The following DOCK8 variants were observed in gnomAD, a reference collection of about 807,000 sequenced individuals.
The protein encoded by DOCK8 is dedicator of cytokinesis protein 8.
DOCK8 carries 141 observed loss-of-function variants against 245.6 expected under a neutral mutation model. The observed-to-expected ratio is 0.57, with a 90% CI of 0.50 to 0.66. The LOEUF is 0.66. Among genes scored for constraint, DOCK8 ranks in the 30% least tolerant of loss-of-function variants. The pLI, the probability that DOCK8 is intolerant of heterozygous loss-of-function variation, is 0.00. For missense variants in DOCK8, 2,965 were observed against 2,603.4 expected (o/e 1.14, Z -3.02); for synonymous variants, 1,168 against 970.2 (o/e 1.20, Z -3.79).
At position 453,652 on chromosome 9, in the gene DOCK8, C is replaced by T. The variant is rs570139193; in HGVS notation, c.6068+1535C>T. Reference sequence around the variant, plus strand: ...ATGTTGGCCAGGCTGATCTTGAACTCCTGACCTCAAATGATCCACCTGCCT... The same window carrying T: ...ATGTTGGCCAGGCTGATCTTGAACTTCTGACCTCAAATGATCCACCTGCCT... On this transcript the variant is annotated intron_variant, in intron 46 of 47. Coordinates refer to ENST00000432829, the MANE Select transcript of DOCK8 (RefSeq NM_203447.4). Among the ~76,000 whole-genome samples, 30 of 152,258 alleles carry T rather than the reference C, an allele frequency of 2.0e-4. No homozygotes were observed. The South Asian group carries it at 6.0e-3, about 31-fold the overall frequency.
At chr9:333,139 G>A (rs766825232) in intron 10 of DOCK8, among the ~76,000 whole-genome samples, 9 of 152,148 alleles carry the variant, frequency 5.9e-5, no homozygotes, top group Non-Finnish European at 1.0e-4. Flanking sequence ...AGCTCTCCTG[G>A]CCTTCCTCAA....
At chr9:264,661 A>G (rs573191069) in intron 1 of DOCK8, among the ~76,000 whole-genome samples, 10 of 152,348 alleles carry the variant, frequency 6.6e-5, no homozygotes, top group African/African-American at 2.4e-4. Context: ...ATCTATAGAT[A>G]TATGTGTAGA....
At chr9:335,509 A>C (rs1011584347) in intron 11 of DOCK8, among the ~76,000 whole-genome samples, 2 of 152,190 alleles carry the variant, frequency 1.3e-5, no homozygotes, top group Non-Finnish European at 2.9e-5. Context: ...GTACATAATC[A>C]CCAGTCAGAA....
chr9:463,466 C>T, intron 46 of DOCK8, 51 bp from the exon 47 acceptor site: 1 of 1,602,394 alleles, frequency 6.2e-7, no homozygotes, highest in Non-Finnish European at 8.5e-7. Flanking sequence ...TCTCAGATTT[C>T]TAAGCACTTC....
intron 20 of DOCK8, among the ~76,000 whole-genome samples, chr9:379,338 C>G (rs1413645327): frequency 1.3e-5 from 2 of 152,000 alleles, no homozygotes; most frequent in Non-Finnish European, 2.9e-5. Flanking sequence ...TCATAGTGTC[C>G]ACAACAGTCA....
At chr9:271,094 G>GA (rs1328065331) in intron 1 of DOCK8, among the ~76,000 whole-genome samples, 2 of 152,338 alleles carry the variant, frequency 1.3e-5, no homozygotes, top group African/African-American at 2.4e-5. Flanking sequence ...GAGCAGTTGG[G>GA]AAAAAATACA....
At chr9:332,559 G>C in intron 10 of DOCK8, 81 bp downstream of exon 10, 1 of 964,930 alleles carries the variant, frequency 1.0e-6, no homozygotes, top group Admixed American at 1.8e-5. Flanking sequence ...AATAGTTAAT[G>C]GGCTTTAGTC....
chr9:332,412 G>A lies in DOCK8; in HGVS notation c.1059G>A (p.Leu353=). 6.2e-7 allele frequency: 1 copy of A among 1,612,152 alleles called. No homozygotes were observed. Among genetic ancestry groups the A allele is most frequent in the Non-Finnish European group, 8.5e-7 (1 of 1,178,348 alleles). The change falls in exon 10 of 48, where the codon CTG becomes CTA. Residue 353 remains leucine (L), a synonymous_variant. Coordinates refer to ENST00000432829, the MANE Select transcript of DOCK8 (RefSeq NM_203447.4). ...TTTATTGGTAGATTGAAAAAGTCCT[G>A]CAGCAGGGAGAGATTGGAGACTGTG... The part of the protein sequence containing the change: ...IYLVVKIEKV[L]QQGEIGDCAE...
intron 8 of DOCK8, 87 bp downstream of exon 8, chr9:325,824 AG>A: frequency 8.1e-7 from 1 of 1,227,718 alleles, no homozygotes; most frequent in South Asian, 1.2e-5. Flanking sequence ...CTTTGCAGCA[AG>A]AACCTATCAG....
chr9:417,908 G>A (rs912873775), intron 29 of DOCK8, among the ~76,000 whole-genome samples, 160 bp from the exon 30 acceptor site: 2 of 152,226 alleles, frequency 1.3e-5, no homozygotes, highest in Non-Finnish European at 2.9e-5. Flanking sequence ...TTAGCCTGCT[G>A]TGTTTTCCTA....
intron 14 of DOCK8, among the ~76,000 whole-genome samples, chr9:359,242 C>T (rs570975917): frequency 6.6e-6 from 1 of 152,312 alleles, no homozygotes; most frequent in East Asian, 1.9e-4. Flanking sequence ...GACTACATTA[C>T]AATAAAGTTC....
At chr9:448,596 G>A (rs2057336471) in intron 44 of DOCK8, among the ~76,000 whole-genome samples, 1 of 152,194 alleles carries the variant, frequency 6.6e-6, no homozygotes, top group Admixed American at 6.5e-5. Context: ...TGAGGGCTGT[G>A]AGGAAAGGGT....
chr9:351,111 C>G (rs2131015412), intron 14 of DOCK8, among the ~76,000 whole-genome samples: 1 of 152,326 alleles, frequency 6.6e-6, no homozygotes, highest in East Asian at 1.9e-4. Flanking sequence ...TCCCTAATTT[C>G]TCTGGCTTCC....
intron 33 of DOCK8, among the ~76,000 whole-genome samples, chr9:424,377 A>C (rs778409905): frequency 1.3e-5 from 2 of 152,064 alleles, no homozygotes; most frequent in African/African-American, 2.4e-5. Flanking sequence ...CATTGTTTTA[A>C]AGGAATAGAT....
At chr9:258,369 G>T (rs2047830949) in intron 1 of DOCK8, among the ~76,000 whole-genome samples, 1 of 152,180 alleles carries the variant, frequency 6.6e-6, no homozygotes, top group African/African-American at 2.4e-5. Context: ...TGGCCAAGGA[G>T]CTGGCTATGC....
At chr9:327,052 C>G (rs1276747258) in intron 8 of DOCK8, among the ~76,000 whole-genome samples, 1 of 152,230 alleles carries the variant, frequency 6.6e-6, no homozygotes, top group Non-Finnish European at 1.5e-5. Context: ...TTCCCTACAA[C>G]CAGGCTTTCT....
At position 416,913 on chromosome 9, in the gene DOCK8, A is replaced by G. The variant is rs374443144; in HGVS notation, c.3701-1155A>G. Among the ~76,000 whole-genome samples, 104 of 152,356 alleles carry G rather than the reference A, an allele frequency of 6.8e-4. 1 individual carries two copies. The South Asian group carries it at 0.02, about 30-fold the overall frequency. On this transcript the variant is annotated intron_variant, in intron 29 of 47. Coordinates refer to ENST00000432829, the MANE Select transcript of DOCK8 (RefSeq NM_203447.4). Reference sequence around the variant, plus strand: ...AGAATGTGTCTCTATGTTAGTTGTGATAATGTTATCAGGTCTTGCATAATT... The same window carrying G: ...AGAATGTGTCTCTATGTTAGTTGTGGTAATGTTATCAGGTCTTGCATAATT...
At chr9:279,516 G>A (rs560544368) in intron 2 of DOCK8, among the ~76,000 whole-genome samples, 13 of 152,270 alleles carry the variant, frequency 8.5e-5, no homozygotes, top group Admixed American at 3.3e-4. Flanking sequence ...ATAGAGGAAC[G>A]AACTGTCACA....
At chr9:407,943 G>A (rs1564026682) in intron 28 of DOCK8, among the ~76,000 whole-genome samples, 1 of 152,114 alleles carries the variant, frequency 6.6e-6, no homozygotes, top group Non-Finnish European at 1.5e-5. Context: ...GTTTAGATTA[G>A]GCATACAGAA....
Sources: gnomAD v4.1 joint callset for allele counts (sites outside exome capture counted in the v4.1 genomes callset) on GRCh38, gnomAD v4.1.1 for gene constraint, MANE v1.5 for transcripts, NCBI Gene and HGNC (gene_info 2026-07-23, HGNC 2026-07-21) for gene names.